The following ATP1B1 variants were observed in gnomAD, a reference collection of about 807,000 sequenced individuals.
The protein encoded by ATP1B1 is sodium/potassium-transporting ATPase subunit beta-1.
In ATP1B1, 3 loss-of-function variants were observed where a neutral mutation model predicts 39.6. The ratio of observed to expected loss-of-function variants is 0.08; its 90% CI spans 0.03 to 0.20. The LOEUF is 0.20. ATP1B1 is among the 10% of genes least tolerant of loss of function. The probability of loss-of-function intolerance (pLI) is 1.00; values close to 1 mark genes in which losing one functional copy is unlikely to be tolerated. For missense variants in ATP1B1, 216 were observed against 371.1 expected (o/e 0.58, Z 3.43); for synonymous variants, 139 against 135.0 (o/e 1.03, Z -0.20).
intron 2 of ATP1B1, among the ~76,000 whole-genome samples, chr1:169,116,684 C>G (rs916268237): frequency 6.6e-6 from 1 of 152,212 alleles, no homozygotes; most frequent in South Asian, 2.1e-4. Context: ...AACCCCATCT[C>G]TACTAAAAAT....
At chr1:169,106,987 C>A in intron 1 of ATP1B1, 61 bp downstream of exon 1, 3 of 1,479,758 alleles carry the variant, frequency 2.0e-6, no homozygotes, top group Non-Finnish European at 2.7e-6. Flanking sequence ...CGGCGCATCC[C>A]CTGCGCAGGG....
At chr1:169,109,337 T>C (rs1657678238) in intron 1 of ATP1B1, among the ~76,000 whole-genome samples, 1 of 152,164 alleles carries the variant, frequency 6.6e-6, no homozygotes, top group Non-Finnish European at 1.5e-5. Flanking sequence ...CCCCTCACAG[T>C]GCCACCCCAG....
chr1:169,111,880 T>C (rs975070854), intron 2 of ATP1B1, among the ~76,000 whole-genome samples: 1 of 152,214 alleles, frequency 6.6e-6, no homozygotes, highest in Non-Finnish European at 1.5e-5. Flanking sequence ...CAGACATTTT[T>C]TTACTTCTTG....
intron 4 of ATP1B1, among the ~76,000 whole-genome samples, chr1:169,127,757 G>T (rs1218742341): frequency 6.6e-6 from 1 of 150,804 alleles, no homozygotes; most frequent in African/African-American, 2.5e-5. Flanking sequence ...TGGTGGTCTA[G>T]TGGTTAGAGA....
At chr1:169,117,931 T>G (rs1021993560) in intron 2 of ATP1B1, among the ~76,000 whole-genome samples, 3 of 152,240 alleles carry the variant, frequency 2.0e-5, no homozygotes, top group African/African-American at 7.2e-5. Flanking sequence ...AAATGTTATG[T>G]TTTATATCTA....
At chr1:169,110,589 T>TTGGG in intron 1 of ATP1B1, 1 of 894,724 alleles carries the variant, frequency 1.1e-6, no homozygotes, top group Non-Finnish European at 1.5e-6. Flanking sequence ...TTTTTTTTGC[T>TTGGG]TTTGCAGCTA....
rs1475516487 is a variant in ATP1B1, at chr1:169,130,014, C to T, written c.572C>T (p.Pro191Leu). ...NRVLGFKPKPPKNESLETYPV... is the reference protein window; with the variant it reads ...NRVLGFKPKPLKNESLETYPV... Reference sequence around the variant, plus strand: ...CATAATGGGTTTTATTTTTAGCCTCCCAAGAATGAGTCCTTGGAGACTTAC... The same window carrying T: ...CATAATGGGTTTTATTTTTAGCCTCTCAAGAATGAGTCCTTGGAGACTTAC... Residue 191 changes from proline (P) to leucine (L), a missense_variant, in exon 5 of 6, where the codon CCC (proline) becomes CTC (leucine). Coordinates refer to ENST00000367815, the MANE Select transcript of ATP1B1 (RefSeq NM_001677.4). 3 of 1,613,486 alleles carry T rather than the reference C, an allele frequency of 1.9e-6. 1 individual carries two copies. In the South Asian group the frequency reaches 3.3e-5, roughly 18 times the overall value.
In ATP1B1 at chr1:169,119,544, GAA is replaced by G. The variant is rs546847504; in HGVS notation, c.227-5338_227-5337del. Among the ~76,000 whole-genome samples the G allele has an allele frequency of 3.2e-3, 484 of 152,328 alleles. 3 individuals carry two copies. Among genetic ancestry groups the G allele is most frequent in the African/African-American group, 8.0e-3 (333 of 41,576 alleles). On this transcript the variant is annotated intron_variant, in intron 2 of 5. Coordinates refer to ENST00000367815, the MANE Select transcript of ATP1B1 (RefSeq NM_001677.4). ...TAACAACTTTAAGAAGTGGGCAGTAGAAAGAGGGGCATGATGGGAGAAAGCGT... is the reference window on the plus strand; with the variant it reads ...TAACAACTTTAAGAAGTGGGCAGTAGAGAGGGGCATGATGGGAGAAAGCGT...
At chr1:169,116,898 T>G (rs148094466) in intron 2 of ATP1B1, among the ~76,000 whole-genome samples, 2 of 152,142 alleles carry the variant, frequency 1.3e-5, no homozygotes, top group African/African-American at 2.4e-5. Flanking sequence ...CCATTAGGGT[T>G]CGAGTCATTA....
Position 169,113,933 on chromosome 1 carries a change from C to T in ATP1B1, c.226+2435C>T, listed in dbSNP as rs9727350. Among the ~76,000 whole-genome samples the T allele has an allele frequency of 2.7e-3, 411 of 152,314 alleles. 1 individual carries two copies. Among genetic ancestry groups the T allele is most frequent in the African/African-American group, 9.5e-3 (395 of 41,560 alleles). On this transcript the variant is annotated intron_variant, in intron 2 of 5. Coordinates refer to ENST00000367815, the MANE Select transcript of ATP1B1 (RefSeq NM_001677.4). Reference sequence around the variant, plus strand: ...ACCTTTCAGGAGAGTCTAGGCCAGGCCCCTCCTCTTCACCTGCCTTACCCT... The same window carrying T: ...ACCTTTCAGGAGAGTCTAGGCCAGGTCCCTCCTCTTCACCTGCCTTACCCT...
intron 1 of ATP1B1, 48 bp from the exon 2 acceptor site, chr1:169,111,322 C>T (rs1011798315): frequency 6.9e-6 from 11 of 1,604,932 alleles, no homozygotes; most frequent in Non-Finnish European, 9.4e-6. Context: ...AACTTTCATT[C>T]TGAGCATATG....
Position 169,132,697 on chromosome 1 carries a change from C to CAAT in ATP1B1, c.*1142_*1143insAAT. The CAAT allele has an allele frequency of 7.9e-7, 1 of 1,265,754 alleles. No individual in the cohort carries two copies. Among genetic ancestry groups the CAAT allele is most frequent in the Admixed American group, 1.9e-5 (1 of 53,904 alleles). The allele number at this position is 1,265,754 out of a possible 1,614,324, so 78.4% of individuals were successfully genotyped here. ...CTTGTATTCAGTCAGGTTAAAACAA[C>CAAT]GGACAATAAAAGAATGAACACATTC... On this transcript the variant is annotated 3_prime_UTR_variant, in exon 6 of 6. Transcript: ENST00000367815.
chr1:169,129,040 G>A (rs950517377), intron 4 of ATP1B1, among the ~76,000 whole-genome samples: 6 of 152,074 alleles, frequency 3.9e-5, no homozygotes, highest in African/African-American at 1.5e-4. Flanking sequence ...ATAGATTCTG[G>A]CAACTTCTTA....
chr1:169,112,252 G>A (rs1420), intron 2 of ATP1B1, among the ~76,000 whole-genome samples: 2 of 152,228 alleles, frequency 1.3e-5, no homozygotes. Context: ...CTGTGACTTG[G>A]GTGCCATCAG....
chr1:169,121,128 G>A (rs1302288402), intron 2 of ATP1B1, among the ~76,000 whole-genome samples: 3 of 151,786 alleles, frequency 2.0e-5, no homozygotes, highest in East Asian at 1.9e-4. Flanking sequence ...TGTGTTTTTA[G>A]TAGAGATGGG....
intron 2 of ATP1B1, among the ~76,000 whole-genome samples, chr1:169,113,979 T>C (rs905550446): frequency 1.3e-5 from 2 of 151,988 alleles, no homozygotes; most frequent in Non-Finnish European, 2.9e-5. Context: ...TCGGGGGCCT[T>C]TACCAAGGGA....
chr1:169,108,881 C>T (rs1448340601), intron 1 of ATP1B1, among the ~76,000 whole-genome samples: 1 of 152,214 alleles, frequency 6.6e-6, no homozygotes, highest in Non-Finnish European at 1.5e-5. Flanking sequence ...GCTAATATGT[C>T]TGCCCCTTTC....
At chr1:169,115,629 G>A (rs1462974836) in intron 2 of ATP1B1, among the ~76,000 whole-genome samples, 6 of 152,066 alleles carry the variant, frequency 3.9e-5, no homozygotes, top group African/African-American at 7.2e-5. Context: ...GATTACAGGC[G>A]TGAGCCACCG....
chr1:169,122,593 T>A (rs1364055273), intron 2 of ATP1B1, among the ~76,000 whole-genome samples: 1 of 152,124 alleles, frequency 6.6e-6, no homozygotes, highest in East Asian at 1.9e-4. Context: ...CTTGTAGGCA[T>A]TTTTACAAAA....
Sources: gnomAD v4.1 joint callset for allele counts (sites outside exome capture counted in the v4.1 genomes callset) on GRCh38, gnomAD v4.1.1 for gene constraint, MANE v1.5 for transcripts, NCBI Gene and HGNC (gene_info 2026-07-23, HGNC 2026-07-21) for gene names.